The following CCDC38 variants were observed in gnomAD, a reference collection of about 807,000 sequenced individuals.
The protein encoded by CCDC38 is coiled-coil domain-containing protein 38.
In CCDC38, 69 loss-of-function variants were observed where a neutral mutation model predicts 72.8. The ratio of observed to expected loss-of-function variants is 0.95; its 90% confidence interval spans 0.78 to 1.16. The LOEUF is 1.16. Ranked by LOEUF, CCDC38 falls within the 50% of genes most tolerant of loss-of-function variation. The probability of loss-of-function intolerance (pLI) is 0.00; values close to 1 mark genes in which losing one functional copy is unlikely to be tolerated. For synonymous variants in CCDC38, 201 were observed against 213.2 expected, an observed-to-expected ratio of 0.94 and a Z score of 0.50; for missense variants, 626 against 638.9, an observed-to-expected ratio of 0.98 and a Z score of 0.22.
chr12:95,887,717 G>C (rs1283928083), intron 10 of CCDC38, among the ~76,000 whole-genome samples: 1 of 152,200 alleles, frequency 6.6e-6, no homozygotes, highest in African/African-American at 2.4e-5. Context: ...TTGTGCTACA[G>C]TTTTGCAAGA....
chr12:95,891,370 G>C (rs1361209675), intron 8 of CCDC38, among the ~76,000 whole-genome samples: 1 of 152,122 alleles, frequency 6.6e-6, no homozygotes, highest in Non-Finnish European at 1.5e-5. Context: ...TTTGGGGACA[G>C]GGTCTTGTTC....
intron 14 of CCDC38, 107 bp downstream of exon 14, chr12:95,872,148 A>G: frequency 2.1e-6 from 2 of 958,152 alleles, no homozygotes; most frequent in Non-Finnish European, 3.3e-6. Context: ...ATTCCTCCTC[A>G]CTGTGTCCCT....
At chr12:95,937,021 T>C (rs1222139048) in intron 1 of CCDC38, among the ~76,000 whole-genome samples, 1 of 152,192 alleles carries the variant, frequency 6.6e-6, no homozygotes, top group Non-Finnish European at 1.5e-5. Flanking sequence ...GGTTAGGTGA[T>C]TGAGGCACTC....
intron 9 of CCDC38, among the ~76,000 whole-genome samples, chr12:95,888,789 G>A (rs2079788624): frequency 6.6e-6 from 1 of 152,046 alleles, no homozygotes; most frequent in South Asian, 2.1e-4. Flanking sequence ...CACACTTTTG[G>A]CTTTTCCCTC....
intron 7 of CCDC38, chr12:95,896,538 T>C (rs888781361): frequency 6.6e-6 from 1 of 152,348 alleles, no homozygotes. Flanking sequence ...GGTCAGTAAA[T>C]GGCTGCTTCA....
chr12:95,874,295 A>T (rs1044372344), intron 13 of CCDC38, among the ~76,000 whole-genome samples: 1 of 152,180 alleles, frequency 6.6e-6, no homozygotes, highest in Non-Finnish European at 1.5e-5. Context: ...AGTGGTTGCT[A>T]GTTGATGGAA....
intron 2 of CCDC38, among the ~76,000 whole-genome samples, chr12:95,930,518 C>G (rs2080326712): frequency 6.6e-6 from 1 of 152,126 alleles, no homozygotes; most frequent in African/African-American, 2.4e-5. Context: ...CGCAAATCTT[C>G]CTTTCTGTTC....
At chr12:95,881,232 A>G (rs532939290) in intron 11 of CCDC38, among the ~76,000 whole-genome samples, 2 of 149,266 alleles carry the variant, frequency 1.3e-5, no homozygotes, top group Non-Finnish European at 1.5e-5. Context: ...TGTAGATTTT[A>G]TATATATTTT....
At chr12:95,888,139 T>C (rs2079780832) in intron 10 of CCDC38, among the ~76,000 whole-genome samples, 2 of 152,202 alleles carry the variant, frequency 1.3e-5, no homozygotes, top group African/African-American at 4.8e-5. Context: ...GCAGGAATTT[T>C]GAATCACATG....
chr12:95,929,020 G>A (rs1050800058), intron 2 of CCDC38, among the ~76,000 whole-genome samples: 7 of 152,170 alleles, frequency 4.6e-5, no homozygotes, highest in Admixed American at 3.9e-4. Flanking sequence ...CCCAGAGGTG[G>A]AGCCTACAGA....
intron 13 of CCDC38, among the ~76,000 whole-genome samples, chr12:95,877,172 A>T (rs2079644887): frequency 6.6e-6 from 1 of 152,186 alleles, no homozygotes; most frequent in Non-Finnish European, 1.5e-5. Context: ...AATCACCCCA[A>T]CATCTGGACC....
At chr12:95,920,783 T>C (rs1189290588) in intron 2 of CCDC38, among the ~76,000 whole-genome samples, 1 of 152,080 alleles carries the variant, frequency 6.6e-6, no homozygotes, top group African/African-American at 2.4e-5. Flanking sequence ...GCTGTAGTGA[T>C]GGTTGCACAT....
At chr12:95,880,003 G>C (rs2079681592) in intron 11 of CCDC38, 1 of 336,288 alleles carries the variant, frequency 3.0e-6, no homozygotes, top group African/African-American at 2.1e-5. Context: ...GGGAGATGAG[G>C]GTATTAAAAA....
chr12:95,928,756 C>T (rs1212998010), intron 2 of CCDC38, among the ~76,000 whole-genome samples: 2 of 152,180 alleles, frequency 1.3e-5, no homozygotes, highest in African/African-American at 2.4e-5. Context: ...TTCCTTCTAA[C>T]AGACAGGACC....
chr12:95,888,369 A>G (rs2079783400), intron 10 of CCDC38, 89 bp downstream of exon 10: 9 of 1,156,364 alleles, frequency 7.8e-6, no homozygotes, highest in Admixed American at 1.7e-5. Flanking sequence ...TTATGGGTAC[A>G]TGACATATAT....
chr12:95,937,785 T>C (rs2080409501), intron 1 of CCDC38, among the ~76,000 whole-genome samples: 1 of 152,252 alleles, frequency 6.6e-6, no homozygotes, highest in African/African-American at 2.4e-5. Flanking sequence ...TCATGTATCA[T>C]TCAAAAAACA....
At chr12:95,916,899 A>G (rs2080150529) in intron 4 of CCDC38, among the ~76,000 whole-genome samples, 1 of 152,120 alleles carries the variant, frequency 6.6e-6, no homozygotes, top group Non-Finnish European at 1.5e-5. Flanking sequence ...TTTGGCAGTA[A>G]CTGTCCTCCT....
chr12:95,873,051 A>G (rs1592752385), intron 13 of CCDC38, among the ~76,000 whole-genome samples: 1 of 152,164 alleles, frequency 6.6e-6, no homozygotes, highest in Non-Finnish European at 1.5e-5. Context: ...ATGTTTTTGT[A>G]TATCTGACTC....
intron 1 of CCDC38, among the ~76,000 whole-genome samples, chr12:95,941,973 A>T (rs1056676255): frequency 2.0e-5 from 3 of 151,322 alleles, no homozygotes; most frequent in Non-Finnish European, 4.4e-5. Flanking sequence ...GCTAAATTAT[A>T]TTCTTATTTA....
Sources: allele counts gnomAD v4.1 joint callset (sites outside exome capture counted in the v4.1 genomes callset), GRCh38; gene constraint gnomAD v4.1.1; transcripts MANE v1.5; gene names NCBI Gene and HGNC (gene_info 2026-07-23, HGNC 2026-07-21).